The following MACROD2 variants were observed in gnomAD, a reference collection of about 807,000 sequenced individuals.
The protein encoded by MACROD2 is mono-ADP ribosylhydrolase 2.
MACROD2 carries 36 observed loss-of-function variants against 70.4 expected under a neutral mutation model. That is an observed-to-expected ratio of 0.51 (90% CI 0.39 to 0.68). The LOEUF is 0.68. Among genes scored for constraint, MACROD2 ranks in the 30% least tolerant of loss-of-function variants. The pLI, the probability that MACROD2 is intolerant of heterozygous loss-of-function variation, is 0.00. For missense variants in MACROD2, 496 were observed against 538.4 expected, an observed-to-expected ratio of 0.92 and a Z score of 0.78; for synonymous variants, 172 against 178.8, an observed-to-expected ratio of 0.96 and a Z score of 0.30.
chr20:14,851,616 G>A (rs1452453592), intron 5 of MACROD2, among the ~76,000 whole-genome samples: 2 of 152,110 alleles, frequency 1.3e-5, no homozygotes, highest in East Asian at 1.9e-4. Context: ...TAAGATGAAC[G>A]TGGAAAAAAA....
chr20:15,174,553 G>T (rs1193325984), intron 5 of MACROD2, among the ~76,000 whole-genome samples: 3 of 152,046 alleles, frequency 2.0e-5, no homozygotes, highest in Non-Finnish European at 4.4e-5. Context: ...GGTATTTCTA[G>T]TTCTAGATCC....
At chr20:15,159,463 G>C (rs432763) in intron 5 of MACROD2, among the ~76,000 whole-genome samples, 89,665 of 151,926 alleles carry the variant, frequency 0.59, 26,609 homozygotes, top group East Asian at 0.65. Flanking sequence ...TGTAGAACTA[G>C]AGTGATTGAA....
At chr20:14,047,454 CAAAAAA>C (rs11479438) in intron 2 of MACROD2, among the ~76,000 whole-genome samples, 1 of 99,206 alleles carries the variant, frequency 1.0e-5, no homozygotes, top group African/African-American at 4.1e-5. Context: ...GACTCCGTCT[CAAAAAA>C]AAAAAAAAAA....
At chr20:15,509,289 A>C (rs2047468635) in intron 8 of MACROD2, among the ~76,000 whole-genome samples, 1 of 152,162 alleles carries the variant, frequency 6.6e-6, no homozygotes, top group African/African-American at 2.4e-5. Context: ...TGATGGCTGT[A>C]TTTTTCTCCT....
intron 4 of MACROD2, among the ~76,000 whole-genome samples, chr20:14,544,658 G>A (rs6135175): frequency 0.17 from 25,710 of 151,954 alleles, 2,850 homozygotes; most frequent in South Asian, 0.35. Context: ...TAATTTATGT[G>A]AGAGGTAATC....
intron 5 of MACROD2, among the ~76,000 whole-genome samples, chr20:14,760,312 C>G (rs909794226): frequency 1.3e-5 from 2 of 151,994 alleles, no homozygotes; most frequent in African/African-American, 4.8e-5. Flanking sequence ...AGTGCTTATA[C>G]TTATAAAACT....
intron 2 of MACROD2, among the ~76,000 whole-genome samples, chr20:14,017,384 A>C (rs762376450): frequency 2.0e-5 from 3 of 152,120 alleles, no homozygotes; most frequent in African/African-American, 7.2e-5. Context: ...GAAAGTGGAC[A>C]TCATTATTTT....
intron 5 of MACROD2, among the ~76,000 whole-genome samples, chr20:15,228,172 G>T (rs531764936): frequency 1.3e-5 from 2 of 152,176 alleles, no homozygotes; most frequent in East Asian, 3.9e-4. Flanking sequence ...ACAAAAAAAT[G>T]ATATCACTGT....
chr20:14,727,789 G>T (rs991618206), intron 5 of MACROD2, among the ~76,000 whole-genome samples: 15 of 152,248 alleles, frequency 9.9e-5, no homozygotes, highest in African/African-American at 3.4e-4. Flanking sequence ...TAGGGAAAGG[G>T]ATTGCTCCTG....
intron 2 of MACROD2, among the ~76,000 whole-genome samples, chr20:14,036,098 C>T (rs1019098469): frequency 6.6e-6 from 1 of 151,400 alleles, no homozygotes; most frequent in East Asian, 1.9e-4. Flanking sequence ...GCCTAGATGG[C>T]GCCACTGCAC....
chr20:15,490,455 C>A (rs1344354983), intron 7 of MACROD2, among the ~76,000 whole-genome samples: 2 of 151,898 alleles, frequency 1.3e-5, no homozygotes, highest in African/African-American at 2.4e-5. Flanking sequence ...GAGATAAGAT[C>A]TCTCTATGTT....
intron 7 of MACROD2, among the ~76,000 whole-genome samples, chr20:15,483,637 A>C (rs753824142): frequency 6.6e-6 from 1 of 152,152 alleles, no homozygotes; most frequent in Non-Finnish European, 1.5e-5. Context: ...TCTTCTTTCC[A>C]ACTGAAAAGT....
At chr20:15,972,316 G>T (rs2066243873) in intron 13 of MACROD2, among the ~76,000 whole-genome samples, 1 of 152,098 alleles carries the variant, frequency 6.6e-6, no homozygotes, top group Non-Finnish European at 1.5e-5. Context: ...AATATTTGAA[G>T]TAAAAGTGAT....
intron 5 of MACROD2, among the ~76,000 whole-genome samples, chr20:14,795,734 A>G (rs918008539): frequency 6.6e-6 from 1 of 152,114 alleles, no homozygotes; most frequent in Non-Finnish European, 1.5e-5. Flanking sequence ...TCAACCATGT[A>G]TCTGGATATG....
At chr20:15,373,274 CTG>C (rs1302176851) in intron 6 of MACROD2, among the ~76,000 whole-genome samples, 1 of 152,130 alleles carries the variant, frequency 6.6e-6, no homozygotes, top group East Asian at 1.9e-4. Flanking sequence ...TTTTCAGTGA[CTG>C]TAGTTTTATA....
chr20:15,265,761 C>CT (rs2077288812), intron 6 of MACROD2, among the ~76,000 whole-genome samples: 1 of 152,076 alleles, frequency 6.6e-6, no homozygotes, highest in Non-Finnish European at 1.5e-5. Context: ...AGATATTGCT[C>CT]TGTTTTGAAT....
chr20:14,038,891 G>A (rs1395303506), intron 2 of MACROD2, among the ~76,000 whole-genome samples: 3 of 151,808 alleles, frequency 2.0e-5, no homozygotes, highest in South Asian at 4.2e-4. Context: ...TCTGTTGAAC[G>A]TTAAAACAAA....
In MACROD2 at chr20:15,772,099, A is replaced by AT. The variant is rs1433838867; in HGVS notation, c.646-90646_646-90645insT. Among the ~76,000 whole-genome samples the AT allele has an allele frequency of 3.9e-3, 355 of 91,008 alleles. 1 individual carries two copies. Among genetic ancestry groups the AT allele is most frequent in the Middle Eastern group, 0.019 (4 of 206 alleles). 59.7% of individuals were successfully genotyped at this position (91,008 alleles called of 152,430 possible). A position where few individuals can be genotyped will look rare whatever the true frequency, so the allele number is the denominator to read the frequency against. On this transcript the variant is annotated intron_variant, in intron 8 of 17. Coordinates refer to ENST00000684519, the MANE Select transcript of MACROD2 (RefSeq NM_001351661.2). ...GACTCGGTCTCAAAAAAAAAAAAAA[A>AT]AAATATATATATATATATATATATA...
chr20:14,757,491 A>G (rs919288483), intron 5 of MACROD2: 6 of 544,526 alleles, frequency 1.1e-5, no homozygotes, highest in African/African-American at 9.5e-5. Flanking sequence ...GGCATTAAAG[A>G]AAATAGATCC....
Sources: gnomAD v4.1 joint callset for allele counts (sites outside exome capture counted in the v4.1 genomes callset) on GRCh38, gnomAD v4.1.1 for gene constraint, MANE v1.5 for transcripts, NCBI Gene and HGNC (gene_info 2026-07-23, HGNC 2026-07-21) for gene names.